CRTC3: variants seen among roughly 807,000 people sequenced by gnomAD.
The protein encoded by CRTC3 is CREB-regulated transcription coactivator 3.
A neutral mutation model predicts 74.5 loss-of-function variants in CRTC3; 26 were observed. The observed-to-expected ratio is 0.35, with a 90% CI of 0.26 to 0.48. The LOEUF (loss-of-function observed/expected upper bound fraction) is 0.48, where lower values mean the gene tolerates loss of function less well. Ranked by LOEUF, CRTC3 falls within the 20% of genes least tolerant of loss-of-function variation. CRTC3 has a pLI of 0.99. For missense variants in CRTC3, 760 were observed against 787.3 expected (o/e 0.97, Z 0.41); for synonymous variants, 377 against 325.8 (o/e 1.16, Z -1.69).
chr15:90,638,706 C>G, intron 12 of CRTC3, 29 bp from the exon 13 acceptor site: 2 of 1,613,034 alleles, frequency 1.2e-6, no homozygotes, highest in Non-Finnish European at 1.7e-6. Flanking sequence ...GAGTTCCAAG[C>G]TAAATGATCA....
intron 7 of CRTC3, among the ~76,000 whole-genome samples, chr15:90,615,157 A>G (rs1294496079): frequency 6.6e-6 from 1 of 152,218 alleles, no homozygotes; most frequent in Non-Finnish European, 1.5e-5. Context: ...GTCTTCGTTG[A>G]CAGATAACAA....
At chr15:90,609,172 G>A (rs1968300462) in intron 6 of CRTC3, among the ~76,000 whole-genome samples, 1 of 152,168 alleles carries the variant, frequency 6.6e-6, no homozygotes. Flanking sequence ...GACTACATTT[G>A]CTTAAATGAT....
chr15:90,530,963 G>T lies in CRTC3; in HGVS notation c.132+760G>T, dbSNP rs1966617769. ...ATGGAGAGCCAACCGGAGTGTCCGC[G>T]CAGGGTTGCAGAGAAGGGGGGTCAG... On this transcript the variant is annotated intron_variant, in intron 1 of 14. Coordinates refer to ENST00000268184, the MANE Select transcript of CRTC3 (RefSeq NM_022769.5). This position sits in a 1 kb window ranked among gnomAD's most constrained non-coding sequence, Gnocchi z 6.2. 6.6e-6 allele frequency among the ~76,000 whole-genome samples: 1 copy of T among 152,100 alleles called. No individual in the cohort carries two copies. The highest frequency in any genetic ancestry group is 1.5e-5 in the Non-Finnish European group (1 of 68,024).
chr15:90,567,023 A>G (rs748401276), intron 2 of CRTC3, among the ~76,000 whole-genome samples: 52 of 152,140 alleles, frequency 3.4e-4, no homozygotes, highest in Non-Finnish European at 6.2e-4. Flanking sequence ...CATTTTCAAC[A>G]TAGATGAAAC....
Position 90,537,654 on chromosome 15 carries a change from G to A in CRTC3, c.133-2385G>A, listed in dbSNP as rs186305272. Among the ~76,000 whole-genome samples, 814 of 152,234 alleles carry A rather than the reference G, an allele frequency of 5.3e-3. 4 individuals are homozygous for A. Among genetic ancestry groups the A allele is most frequent in the African/African-American group, 0.019 (780 of 41,534 alleles). ...CCGCCTCGGCCTCCCAAAGTTCTGG[G>A]ATTTACAGGTATGAGCCACTGCTCC... On this transcript the variant is annotated intron_variant, in intron 1 of 14. Transcript: ENST00000268184.
At chr15:90,569,721 T>C (rs868664065) in intron 2 of CRTC3, among the ~76,000 whole-genome samples, 6 of 151,744 alleles carry the variant, frequency 4.0e-5, no homozygotes, top group African/African-American at 1.5e-4. Context: ...GCTGGGATTG[T>C]AGGTTCACCC....
intron 13 of CRTC3, 200 bp from the exon 14 acceptor site, chr15:90,640,894 CCCT>C (rs1162016587): frequency 5.3e-6 from 3 of 567,856 alleles, no homozygotes; most frequent in Non-Finnish European, 9.5e-6. Context: ...CCTCAGGGAC[CCCT>C]CCTCCACCCC....
In CRTC3 at chr15:90,540,065, G is replaced by A. The variant is rs1050209961; in HGVS notation, c.159G>A (p.Leu53=). 5 of 1,613,506 alleles carry A rather than the reference G, an allele frequency of 3.1e-6. No individual in the cohort carries two copies. The African/African-American group carries it at 5.3e-5, about 17-fold the overall frequency. The change falls in exon 2 of 15, where the codon CTG becomes CTA. Residue 53 remains leucine (L), a synonymous_variant. Coordinates refer to ENST00000268184, the MANE Select transcript of CRTC3 (RefSeq NM_022769.5). ...SRVQFQKLQQ[L]RLTQYHGGSL... ...TTCAATTTCAGAAGCTTCAGCAACT[G>A]CGCCTTACACAGTACCATGGAGGAT...
chr15:90,614,864 G>C (rs1968448254), intron 7 of CRTC3, among the ~76,000 whole-genome samples: 1 of 152,242 alleles, frequency 6.6e-6, no homozygotes, highest in Admixed American at 6.5e-5. Context: ...AGGAGTTCGA[G>C]ACCAGCCTGA....
intron 6 of CRTC3, among the ~76,000 whole-genome samples, chr15:90,607,946 G>A (rs1364272908): frequency 4.6e-5 from 7 of 152,136 alleles, no homozygotes; most frequent in African/African-American, 7.2e-5. Flanking sequence ...AGGTTGGTGG[G>A]CCTGCTGAGA....
intron 2 of CRTC3, among the ~76,000 whole-genome samples, chr15:90,580,988 C>G (rs1341812014): frequency 6.6e-6 from 1 of 152,204 alleles, no homozygotes; most frequent in Non-Finnish European, 1.5e-5. Context: ...TGGGCAGATT[C>G]TCCCAAGAGA....
At chr15:90,631,905 TTTA>T (rs1969053872) in intron 11 of CRTC3, among the ~76,000 whole-genome samples, 3 of 151,806 alleles carry the variant, frequency 2.0e-5, no homozygotes, top group Middle Eastern at 3.4e-3. Context: ...TGCCATAATT[TTTA>T]TTTTTTTTTA....
At chr15:90,622,508 A>G (rs536819078) in intron 9 of CRTC3, among the ~76,000 whole-genome samples, 3 of 152,224 alleles carry the variant, frequency 2.0e-5, no homozygotes, top group East Asian at 3.9e-4. Flanking sequence ...TTATTTTTCT[A>G]GTCCTTGATC....
chr15:90,576,615 A>G (rs1307981055), intron 2 of CRTC3, among the ~76,000 whole-genome samples: 1 of 152,162 alleles, frequency 6.6e-6, no homozygotes, highest in Admixed American at 6.6e-5. Context: ...ATGGTCAGGA[A>G]GTTCAGGAGT....
intron 4 of CRTC3, among the ~76,000 whole-genome samples, chr15:90,603,045 AAAG>A (rs1251600392): frequency 1.3e-5 from 2 of 152,206 alleles, no homozygotes. Context: ...AAAGTTATTT[AAAG>A]AAATCTAGAT....
chr15:90,561,203 G>A (rs1202915755), intron 2 of CRTC3, among the ~76,000 whole-genome samples: 6 of 152,152 alleles, frequency 3.9e-5, no homozygotes, highest in Admixed American at 3.9e-4. Context: ...CAGCACAGTT[G>A]TTGTTCAATA....
intron 2 of CRTC3, among the ~76,000 whole-genome samples, chr15:90,545,762 T>A (rs757290985): frequency 2.4e-4 from 36 of 152,150 alleles, no homozygotes; most frequent in Non-Finnish European, 4.6e-4. Context: ...GTATTTTTAG[T>A]AGAGACGGGG....
chr15:90,585,308 C>G (rs1481270408), intron 2 of CRTC3, among the ~76,000 whole-genome samples: 13 of 152,042 alleles, frequency 8.6e-5, no homozygotes, highest in African/African-American at 3.1e-4. Context: ...CTGTGGCTAG[C>G]TAGTTTTTAA....
intron 2 of CRTC3, among the ~76,000 whole-genome samples, chr15:90,578,479 G>T (rs533026366): frequency 2.6e-4 from 40 of 152,118 alleles, no homozygotes; most frequent in Non-Finnish European, 5.0e-4. Context: ...GCTCGAACCC[G>T]GGAGACAGAG....
Sources: allele counts gnomAD v4.1 joint callset (sites outside exome capture counted in the v4.1 genomes callset), GRCh38; gene constraint gnomAD v4.1.1; non-coding constraint Gnocchi (gnomAD v3.1); transcripts MANE v1.5; gene names NCBI Gene and HGNC (gene_info 2026-07-23, HGNC 2026-07-21).